Variants in SORCS2 observed in about 807,000 individuals in gnomAD.
SORCS2 encodes VPS10 domain-containing receptor SorCS2.
In SORCS2, 100 loss-of-function variants were observed where a neutral mutation model predicts 141.6. The observed-to-expected ratio is 0.71, with a 90% CI of 0.60 to 0.83. The LOEUF is 0.83. SORCS2 is among the 40% of genes least tolerant of loss of function. The pLI is 0.00. For missense variants in SORCS2, 1,646 were observed against 1,560.2 expected, an observed-to-expected ratio of 1.05 and a Z score of -0.93; for synonymous variants, 789 against 676.9, an observed-to-expected ratio of 1.17 and a Z score of -2.57.
chr4:7,533,751 C>A (rs997942269), intron 3 of SORCS2, among the ~76,000 whole-genome samples: 2 of 152,242 alleles, frequency 1.3e-5, no homozygotes, highest in African/African-American at 4.8e-5. Flanking sequence ...TGAGGTCAGA[C>A]AGAGCTGCTT....
chr4:7,433,905 G>A (rs1284782235), intron 2 of SORCS2: 1 of 1,613,856 alleles, frequency 6.2e-7, no homozygotes, highest in Admixed American at 1.7e-5. Flanking sequence ...GCATTACCGA[G>A]CACACGCGCT....
At chr4:7,613,337 C>T (rs1718545266) in intron 3 of SORCS2, among the ~76,000 whole-genome samples, 1 of 152,222 alleles carries the variant, frequency 6.6e-6, no homozygotes, top group South Asian at 2.1e-4. Context: ...GGAAGAGTCG[C>T]GGGCGCTGTC....
intron 3 of SORCS2, among the ~76,000 whole-genome samples, chr4:7,600,652 TATATACACACACACACACACACAC>T (rs1717603173): frequency 1.0e-5 from 1 of 96,232 alleles, no homozygotes; most frequent in African/African-American, 3.8e-5. Context: ...TATACATATA[TATATACACACACACACACACACAC>T]ACACACACAC....
chr4:7,285,585 C>T (rs532266431), intron 1 of SORCS2, among the ~76,000 whole-genome samples: 94 of 152,364 alleles, frequency 6.2e-4, no homozygotes, highest in African/African-American at 2.2e-3. Flanking sequence ...GGCGCGAGCC[C>T]CTCCTTCCCA....
chr4:7,516,062 G>C (rs1732959872), intron 2 of SORCS2, among the ~76,000 whole-genome samples: 1 of 152,232 alleles, frequency 6.6e-6, no homozygotes, highest in African/African-American at 2.4e-5. Context: ...GGTGGGCACT[G>C]TGGTGCTCAT....
chr4:7,297,153 G>A (rs1451304808), intron 1 of SORCS2, among the ~76,000 whole-genome samples: 1 of 152,192 alleles, frequency 6.6e-6, no homozygotes, highest in Admixed American at 6.5e-5. Context: ...CTCTGCATTA[G>A]GTGGAGGGGG....
intron 1 of SORCS2, among the ~76,000 whole-genome samples, chr4:7,323,898 C>G (rs898679431): frequency 2.6e-5 from 4 of 152,142 alleles, no homozygotes; most frequent in Admixed American, 2.0e-4. Context: ...AAGGACTGCA[C>G]TCTTGACACT....
At chr4:7,641,926 A>ATGGGTGGT in intron 4 of SORCS2, among the ~76,000 whole-genome samples, 1 of 97,644 alleles carries the variant, frequency 1.0e-5, no homozygotes, top group Non-Finnish European at 2.3e-5. Flanking sequence ...GGACAGATGG[A>ATGGGTGGT]TGGATAGATG....
chr4:7,623,896 G>A (rs1719362374), intron 3 of SORCS2, among the ~76,000 whole-genome samples: 1 of 152,172 alleles, frequency 6.6e-6, no homozygotes, highest in Non-Finnish European at 1.5e-5. Context: ...CAGAGGAAGA[G>A]CAGCGCGCGT....
chr4:7,270,567 G>A (rs1343509902), intron 1 of SORCS2, among the ~76,000 whole-genome samples: 1 of 152,218 alleles, frequency 6.6e-6, no homozygotes, highest in Admixed American at 6.5e-5. Context: ...TGTTTGAAAA[G>A]TCATGTCTGG....
Position 7,648,921 on chromosome 4 carries a change from G to A in SORCS2, c.814-5213G>A, listed in dbSNP as rs1444172610. 6.6e-6 allele frequency among the ~76,000 whole-genome samples: 1 copy of A among 152,168 alleles called. No homozygotes were observed. The highest frequency in any genetic ancestry group is 1.5e-5 in the Non-Finnish European group (1 of 68,026). On this transcript the variant is annotated intron_variant, in intron 4 of 26. Coordinates refer to ENST00000507866, the MANE Select transcript of SORCS2 (RefSeq NM_020777.3). This position sits in a 1 kb window ranked among gnomAD's most constrained non-coding sequence, Gnocchi z 4.2. Reference sequence around the variant, plus strand: ...TGAGGAGCTAGAGGCCAGAGAACCAGAGTTCTGAGCGTAGCATGAGGGGAC... The same window carrying A: ...TGAGGAGCTAGAGGCCAGAGAACCAAAGTTCTGAGCGTAGCATGAGGGGAC...
intron 8 of SORCS2, among the ~76,000 whole-genome samples, chr4:7,674,396 AC>A (rs1381604908): frequency 2.4e-4 from 36 of 151,326 alleles, no homozygotes; most frequent in Admixed American, 2.0e-3. Context: ...ACACAGTGAA[AC>A]CCCGTCTCTA....
intron 1 of SORCS2, among the ~76,000 whole-genome samples, chr4:7,304,263 G>A (rs896129150): frequency 1.3e-5 from 2 of 152,152 alleles, no homozygotes; most frequent in African/African-American, 2.4e-5. Flanking sequence ...CAAACAGCTC[G>A]ACAGACATGG....
intron 2 of SORCS2, among the ~76,000 whole-genome samples, chr4:7,520,361 T>C (rs1030918565): frequency 6.6e-6 from 1 of 152,090 alleles, no homozygotes; most frequent in Admixed American, 6.5e-5. Context: ...GAAGAGTAAA[T>C]TGAGGAGGTG....
intron 14 of SORCS2, among the ~76,000 whole-genome samples, chr4:7,706,942 C>T (rs1254711165): frequency 6.6e-6 from 1 of 152,186 alleles, no homozygotes; most frequent in Non-Finnish European, 1.5e-5. Flanking sequence ...CCACTGACCC[C>T]TGCTGCTTTC....
At chr4:7,558,312 G>GTGGGCT (rs1714281461) in intron 3 of SORCS2, among the ~76,000 whole-genome samples, 1 of 152,154 alleles carries the variant, frequency 6.6e-6, no homozygotes, top group Admixed American at 6.5e-5. Flanking sequence ...GCATCGTAGG[G>GTGGGCT]TGGCCTTGGC....
intron 1 of SORCS2, among the ~76,000 whole-genome samples, chr4:7,207,638 C>T (rs1727824717): frequency 2.0e-5 from 3 of 152,190 alleles, no homozygotes; most frequent in African/African-American, 2.4e-5. Flanking sequence ...GATGCAGGAG[C>T]GAGCTTCTTC....
chr4:7,620,260 G>A (rs1441930952), intron 3 of SORCS2, among the ~76,000 whole-genome samples: 3 of 152,198 alleles, frequency 2.0e-5, no homozygotes, highest in Non-Finnish European at 4.4e-5. Context: ...AATAGGAGAC[G>A]CACAGTTGGG....
At chr4:7,384,635 G>C (rs532525885) in intron 1 of SORCS2, among the ~76,000 whole-genome samples, 1 of 152,188 alleles carries the variant, frequency 6.6e-6, no homozygotes, top group African/African-American at 2.4e-5. Context: ...CTGAACGTCC[G>C]GCTCCACCCA....
Sources: gnomAD v4.1 joint callset for allele counts (sites outside exome capture counted in the v4.1 genomes callset) on GRCh38, gnomAD v4.1.1 for gene constraint, Gnocchi (gnomAD v3.1) non-coding constraint, MANE v1.5 for transcripts, NCBI Gene and HGNC (gene_info 2026-07-23, HGNC 2026-07-21) for gene names.